The following DNAJA2 variants were observed in gnomAD, a reference collection of about 807,000 sequenced individuals.
DNAJA2 encodes dnaJ homolog subfamily A member 2.
In DNAJA2, 6 loss-of-function variants were observed where a neutral mutation model predicts 49.3. The observed-to-expected ratio is 0.12, with a 90% CI of 0.07 to 0.24. The LOEUF is 0.24. Among genes scored for constraint, DNAJA2 ranks in the 10% least tolerant of loss-of-function variants. DNAJA2 has a pLI of 1.00. For missense variants in DNAJA2, 347 were observed against 516.8 expected, an observed-to-expected ratio of 0.67 and a Z score of 3.19; for synonymous variants, 160 against 172.7, an observed-to-expected ratio of 0.93 and a Z score of 0.58.
Position 46,955,644 on chromosome 16 carries a change from T to TC in DNAJA2, c.*1384dup, listed in dbSNP as rs1961797723. On this transcript the variant is annotated 3_prime_UTR_variant, in exon 9 of 9. Transcript: ENST00000317089. ...TAAACTACAAATACTAGATTTAGGC[T>TC]CAGGGATGGCATTTAATACATTTAA... is the stretch of plus-strand genomic sequence containing the variant. The TC allele has an allele frequency of 6.6e-6, 1 of 152,344 alleles. No homozygotes were observed. Among genetic ancestry groups the TC allele is most frequent in the East Asian group, 1.9e-4 (1 of 5,194 alleles). The allele number at this position is 152,344 out of a possible 1,614,324, so 9.4% of individuals were successfully genotyped here.
At chr16:46,966,381 T>C (rs1478110971) in intron 5 of DNAJA2, among the ~76,000 whole-genome samples, 1 of 152,256 alleles carries the variant, frequency 6.6e-6, no homozygotes, top group Non-Finnish European at 1.5e-5. Context: ...TGGTAGCCAC[T>C]ATCAACCTGT....
chr16:46,958,898 C>T, intron 8 of DNAJA2, 105 bp downstream of exon 8: 1 of 1,314,220 alleles, frequency 7.6e-7, no homozygotes, highest in Non-Finnish European at 1.0e-6. Context: ...GAGCCACGAT[C>T]ACACCACTAC....
Position 46,973,526 on chromosome 16 carries a change from G to C in DNAJA2, c.47C>G (p.Pro16Arg). The C allele has an allele frequency of 6.2e-7, 1 of 1,602,552 alleles. No homozygotes were observed. The highest frequency in any genetic ancestry group is 8.5e-7 in the Non-Finnish European group (1 of 1,177,554). Residue 16 changes from proline (P) to arginine (R), a missense_variant, in exon 1 of 9, where the codon CCG becomes CGG. Coordinates refer to ENST00000317089, the MANE Select transcript of DNAJA2 (RefSeq NM_005880.4). ...DTKLYDILGV[P>R]PGASENELKK... ...CAGCTCGTTCTCGCTGGCGCCGGGC[G>C]GGACGCCCAGGATGTCGTACAGCTT...
chr16:46,973,105 G>T (rs570499073), intron 1 of DNAJA2, among the ~76,000 whole-genome samples: 134 of 152,172 alleles, frequency 8.8e-4, no homozygotes, highest in Non-Finnish European at 1.7e-3. Context: ...CTCGGGGCCG[G>T]GATGCGCTGA....
intron 1 of DNAJA2, among the ~76,000 whole-genome samples, chr16:46,973,257 G>A (rs1023564164): frequency 2.6e-5 from 4 of 151,962 alleles, no homozygotes; most frequent in African/African-American, 9.7e-5. Context: ...TTGCGCAGGA[G>A]TGAGTTTTAT....
chr16:46,969,215 A>T (rs1962013312), intron 3 of DNAJA2, among the ~76,000 whole-genome samples: 1 of 152,228 alleles, frequency 6.6e-6, no homozygotes, highest in Non-Finnish European at 1.5e-5. Context: ...AAGCACCTAT[A>T]CTATTTTGTG....
intron 8 of DNAJA2, 64 bp from the exon 9 acceptor site, chr16:46,957,284 A>G: frequency 2.1e-6 from 3 of 1,416,304 alleles, no homozygotes; most frequent in Non-Finnish European, 9.6e-7. Flanking sequence ...CTTTTGATAC[A>G]TAGAATCCAG....
intron 6 of DNAJA2, among the ~76,000 whole-genome samples, chr16:46,961,103 C>T (rs1961889633): frequency 6.6e-6 from 1 of 152,130 alleles, no homozygotes; most frequent in Admixed American, 6.5e-5. Context: ...TTGTTAAAGT[C>T]ATACTATTTT....
At chr16:46,970,958 A>G (rs1463115267) in intron 3 of DNAJA2, among the ~76,000 whole-genome samples, 1 of 151,836 alleles carries the variant, frequency 6.6e-6, no homozygotes, top group Non-Finnish European at 1.5e-5. Context: ...GAATCGCTTG[A>G]ACCCAGGAGG....
In DNAJA2 at chr16:46,963,769, T is replaced by A. The variant is rs189487391; in HGVS notation, c.774+842A>T. Among the ~76,000 whole-genome samples, 705 of 151,998 alleles carry A rather than the reference T, an allele frequency of 4.6e-3. 5 individuals carry two copies. The highest frequency in any genetic ancestry group is 0.014 in the Middle Eastern group (4 of 294). On this transcript the variant is annotated intron_variant, in intron 6 of 8. Coordinates refer to ENST00000317089, the MANE Select transcript of DNAJA2 (RefSeq NM_005880.4). ...GAAGCTTCTAAAAAAATATTTTTTTTAAAAAAAATCCCAGAACCCTTTCAA... is the reference window on the plus strand; with the variant it reads ...GAAGCTTCTAAAAAAATATTTTTTTAAAAAAAAATCCCAGAACCCTTTCAA...
At chr16:46,964,250 T>TA (rs1376020472) in intron 6 of DNAJA2, among the ~76,000 whole-genome samples, 1 of 152,250 alleles carries the variant, frequency 6.6e-6, no homozygotes, top group Non-Finnish European at 1.5e-5. Context: ...AGCATGCCTG[T>TA]AGTCCCAACT....
At chr16:46,968,979 T>A (rs1451443418) in intron 3 of DNAJA2, among the ~76,000 whole-genome samples, 1 of 152,114 alleles carries the variant, frequency 6.6e-6, no homozygotes, top group Non-Finnish European at 1.5e-5. Context: ...CCCTGGAGAT[T>A]GAGGCTGCAG....
chr16:46,969,767 T>C (rs780128879), intron 3 of DNAJA2, among the ~76,000 whole-genome samples: 10 of 152,226 alleles, frequency 6.6e-5, no homozygotes, highest in Non-Finnish European at 7.3e-5. Flanking sequence ...ATTATAAACA[T>C]AGTATTTGTA....
intron 6 of DNAJA2, among the ~76,000 whole-genome samples, chr16:46,961,536 A>G (rs986804663): frequency 1.1e-4 from 16 of 151,472 alleles, no homozygotes; most frequent in Non-Finnish European, 2.2e-4. Flanking sequence ...TAAAAATACA[A>G]TTGCGCCACT....
At chr16:46,962,773 T>G (rs1174777073) in intron 6 of DNAJA2, among the ~76,000 whole-genome samples, 1 of 152,212 alleles carries the variant, frequency 6.6e-6, no homozygotes, top group Non-Finnish European at 1.5e-5. Context: ...GGGTTGGCAA[T>G]TTCCACAAAA....
At chr16:46,962,852 A>G (rs979817798) in intron 6 of DNAJA2, among the ~76,000 whole-genome samples, 17 of 152,200 alleles carry the variant, frequency 1.1e-4, no homozygotes, top group African/African-American at 4.1e-4. Flanking sequence ...ATTGTCCAGG[A>G]GATCAAGTCT....
chr16:46,955,922 A>G lies in DNAJA2; in HGVS notation c.*1107T>C, dbSNP rs956122281. On this transcript the variant is annotated 3_prime_UTR_variant, in exon 9 of 9. Transcript: ENST00000317089. Reference sequence around the variant, plus strand: ...AACAATGCATATTTCAGTTGCCTTCATTCTTAAATTCTGAATAAGCATCTT... The same window carrying G: ...AACAATGCATATTTCAGTTGCCTTCGTTCTTAAATTCTGAATAAGCATCTT... The G allele has an allele frequency of 6.6e-6, 1 of 151,998 alleles. No individual in the cohort carries two copies. The highest frequency in any genetic ancestry group is 2.4e-5 in the African/African-American group (1 of 41,382). The allele number at this position is 151,998 out of a possible 1,614,324, so 9.4% of individuals were successfully genotyped here.
At chr16:46,960,934 C>T (rs1009286059) in intron 6 of DNAJA2, among the ~76,000 whole-genome samples, 1 of 150,996 alleles carries the variant, frequency 6.6e-6, no homozygotes, top group Admixed American at 6.6e-5. Flanking sequence ...TTGGAGCCTG[C>T]AGGGGCAGTC....
chr16:46,967,971 CCGCACCCAGCCGTAAG>C (rs1961996503), intron 4 of DNAJA2, 97 bp downstream of exon 4: 1 of 1,041,552 alleles, frequency 9.6e-7, no homozygotes, highest in Non-Finnish European at 1.4e-6. Flanking sequence ...GTGTGAGCCA[CCGCACCCAGCCGTAAG>C]TTTTAACTTA....
Sources: gnomAD v4.1 joint callset for allele counts (sites outside exome capture counted in the v4.1 genomes callset) on GRCh38, gnomAD v4.1.1 for gene constraint, MANE v1.5 for transcripts, NCBI Gene and HGNC (gene_info 2026-07-23, HGNC 2026-07-21) for gene names.